The following PRTG variants were observed in gnomAD, a reference collection of about 807,000 sequenced individuals.
PRTG encodes immunoglobulin superfamily, DCC subclass, member 5.
Under a neutral mutation model 122.5 loss-of-function variants are expected in PRTG, and 67 were observed. The observed-to-expected ratio is 0.55, with a 90% CI of 0.45 to 0.67. The LOEUF is 0.67. Among genes scored for constraint, PRTG ranks in the 30% least tolerant of loss-of-function variants. The probability of loss-of-function intolerance (pLI) is 0.00; values close to 1 mark genes in which losing one functional copy is unlikely to be tolerated. For missense variants in PRTG, 1,435 were observed against 1,415.4 expected (o/e 1.01, Z -0.22); for synonymous variants, 554 against 501.1 (o/e 1.11, Z -1.41).
chr15:55,638,850 A>G (rs1567078582), intron 13 of PRTG, among the ~76,000 whole-genome samples, 174 bp from the exon 14 acceptor site: 1 of 152,228 alleles, frequency 6.6e-6, no homozygotes, highest in Non-Finnish European at 1.5e-5. Flanking sequence ...AAAATACTAC[A>G]TTTGGTATTG....
In PRTG at chr15:55,617,847, G is replaced by T. The variant is rs2059147661; in HGVS notation, c.*2165C>A. ...TTTAATGAAAGCTTAAAAATAAAAT[G>T]ATCTCACTGTACTTAATTTTAGATA... On this transcript the variant is annotated 3_prime_UTR_variant, in exon 20 of 20. Coordinates refer to ENST00000389286, the MANE Select transcript of PRTG (RefSeq NM_173814.6). The T allele has an allele frequency of 1.3e-5, 2 of 152,056 alleles. No homozygotes were observed. The highest frequency in any genetic ancestry group is 2.9e-5 in the Non-Finnish European group (2 of 68,000). 9.4% of individuals were successfully genotyped at this position (152,056 alleles called of 1,614,324 possible).
chr15:55,648,417 T>C (rs915693483), intron 11 of PRTG, among the ~76,000 whole-genome samples: 2 of 152,214 alleles, frequency 1.3e-5, no homozygotes, highest in Non-Finnish European at 2.9e-5. Flanking sequence ...ACAATAATAA[T>C]GCATTAACTG....
Position 55,647,021 on chromosome 15 carries a change from T to C in PRTG, c.2042-5813A>G, listed in dbSNP as rs565112180. Reference sequence around the variant, plus strand: ...ACATAAAGAAGAGTCAGGCTGGACATGGTGGCTCATGCCTGTAATCCCAGC... The same window carrying C: ...ACATAAAGAAGAGTCAGGCTGGACACGGTGGCTCATGCCTGTAATCCCAGC... On this transcript the variant is annotated intron_variant, in intron 11 of 19. Coordinates refer to ENST00000389286, the MANE Select transcript of PRTG (RefSeq NM_173814.6). 1.3e-3 allele frequency among the ~76,000 whole-genome samples: 198 copies of C among 152,132 alleles called. 2 individuals carry two copies. The South Asian group carries it at 0.017, about 13-fold the overall frequency.
chr15:55,673,768 TATA>T, intron 9 of PRTG, 92 bp from the exon 10 acceptor site: 1 of 964,942 alleles, frequency 1.0e-6, no homozygotes, highest in East Asian at 2.5e-5. Flanking sequence ...ATTAGCAACA[TATA>T]ATAAAGAAGA....
rs1423339409 is a variant in PRTG, at chr15:55,618,045, T to C, written c.*1967A>G. ...AGGAGGTAGTATAAAACAGGAGCTA[T>C]AAAGGCAGGAGCAGCATTTTTCCTT... On this transcript the variant is annotated 3_prime_UTR_variant, in exon 20 of 20. Coordinates refer to ENST00000389286, the MANE Select transcript of PRTG (RefSeq NM_173814.6). 1 of 152,158 alleles carries C rather than the reference T, an allele frequency of 6.6e-6. No homozygotes were observed. Among genetic ancestry groups the C allele is most frequent in the Non-Finnish European group, 1.5e-5 (1 of 68,028 alleles). 9.4% of individuals were successfully genotyped at this position (152,158 alleles called of 1,614,324 possible).
intron 11 of PRTG, among the ~76,000 whole-genome samples, chr15:55,644,194 C>T (rs1467326092): frequency 6.6e-6 from 1 of 152,114 alleles, no homozygotes; most frequent in Non-Finnish European, 1.5e-5. Flanking sequence ...TTTAGGAAAG[C>T]CTCCAGAATA....
intron 2 of PRTG, among the ~76,000 whole-genome samples, chr15:55,734,115 C>T (rs1193180517): frequency 3.3e-5 from 5 of 152,188 alleles, no homozygotes; most frequent in African/African-American, 1.2e-4. Context: ...GCTAACACTG[C>T]ATACGACGCA....
chr15:55,691,498 T>C (rs769351797), intron 2 of PRTG, among the ~76,000 whole-genome samples: 94 of 151,594 alleles, frequency 6.2e-4, no homozygotes, highest in Admixed American at 1.4e-3. Context: ...CTGACCAACA[T>C]GGTGAAACCC....
chr15:55,702,025 C>G (rs545472557), intron 2 of PRTG, among the ~76,000 whole-genome samples: 15 of 152,160 alleles, frequency 9.9e-5, no homozygotes, highest in South Asian at 4.1e-4. Flanking sequence ...TTACACAACT[C>G]TACACATGTG....
intron 11 of PRTG, among the ~76,000 whole-genome samples, chr15:55,656,740 C>T (rs1053355779): frequency 3.3e-5 from 5 of 152,226 alleles, no homozygotes; most frequent in African/African-American, 7.2e-5. Flanking sequence ...GATCTCCTGA[C>T]CTCATGATCT....
Position 55,738,370 on chromosome 15 carries a change from CAA to C in PRTG, c.397+2010_397+2011del, listed in dbSNP as rs1421982275. The stretch of plus-strand genomic sequence containing the variant: ...GAAGTTAGAAAGCTCTGTGTTTTTC[CAA>C]AAGTGTTTCTGGAAGCCCTAGGATT... On this transcript the variant is annotated intron_variant, in intron 2 of 19. Transcript: ENST00000389286. 8.0e-6 allele frequency: 5 copies of C among 624,898 alleles called. No homozygotes were observed. In the East Asian group the frequency reaches 1.4e-4, roughly 17 times the overall value. The allele number at this position is 624,898 out of a possible 1,614,324, so 38.7% of individuals were successfully genotyped here.
At chr15:55,713,856 A>G (rs971009973) in intron 2 of PRTG, among the ~76,000 whole-genome samples, 2 of 152,142 alleles carry the variant, frequency 1.3e-5, no homozygotes, top group East Asian at 1.9e-4. Context: ...TCTTGTTGCT[A>G]CATTACTGGT....
chr15:55,689,482 A>C (rs1044325206), intron 2 of PRTG, among the ~76,000 whole-genome samples: 2 of 152,162 alleles, frequency 1.3e-5, no homozygotes, highest in East Asian at 1.9e-4. Flanking sequence ...CAAAAAAAAG[A>C]AAAAGGGGAG....
chr15:55,649,674 T>TC (rs2059343040), intron 11 of PRTG, among the ~76,000 whole-genome samples: 1 of 151,762 alleles, frequency 6.6e-6, no homozygotes, highest in Admixed American at 6.6e-5. Context: ...AGAAAGTAAT[T>TC]CCAGCTACTC....
chr15:55,729,148 C>G (rs377663066), intron 2 of PRTG, among the ~76,000 whole-genome samples: 1 of 152,008 alleles, frequency 6.6e-6, no homozygotes, highest in East Asian at 1.9e-4. Flanking sequence ...AACGGGTAAA[C>G]AAAACATGGT....
chr15:55,711,584 C>T (rs2030389983), intron 2 of PRTG, among the ~76,000 whole-genome samples: 1 of 152,022 alleles, frequency 6.6e-6, no homozygotes, highest in Non-Finnish European at 1.5e-5. Flanking sequence ...AAACTCAGGA[C>T]AGCCTGCTGG....
At chr15:55,695,776 GC>G (rs1463885783) in intron 2 of PRTG, among the ~76,000 whole-genome samples, 3 of 152,310 alleles carry the variant, frequency 2.0e-5, no homozygotes, top group Non-Finnish European at 4.4e-5. Context: ...CTCAGGAGTT[GC>G]CTGGGCAACA....
chr15:55,636,510 G>A (rs1347374861), intron 15 of PRTG, among the ~76,000 whole-genome samples: 8 of 151,472 alleles, frequency 5.3e-5, no homozygotes, highest in Non-Finnish European at 1.0e-4. Context: ...CCCAAATACC[G>A]GCCAACCATC....
At chr15:55,641,673 T>C (rs546780297) in intron 11 of PRTG, among the ~76,000 whole-genome samples, 48 of 152,346 alleles carry the variant, frequency 3.2e-4, no homozygotes, top group Middle Eastern at 3.4e-3. Flanking sequence ...AAATTACAAT[T>C]GTCATTCTTT....
Sources: allele counts gnomAD v4.1 joint callset (sites outside exome capture counted in the v4.1 genomes callset), GRCh38; gene constraint gnomAD v4.1.1; transcripts MANE v1.5; gene names NCBI Gene and HGNC (gene_info 2026-07-23, HGNC 2026-07-21).